Variants in CMIP observed in about 807,000 individuals in gnomAD.
CMIP encodes the protein c-Maf inducing protein.
In CMIP, 13 loss-of-function variants were observed where a neutral mutation model predicts 97.3. The observed-to-expected ratio is 0.13, with a 90% confidence interval of 0.09 to 0.21. The LOEUF (loss-of-function observed/expected upper bound fraction) is 0.21. Among genes scored for constraint, CMIP ranks in the 10% least tolerant of loss-of-function variants. The probability of loss-of-function intolerance (pLI) is 1.00; values close to 1 mark genes in which losing one functional copy is unlikely to be tolerated. For missense variants in CMIP, 847 were observed against 1,024.9 expected, an observed-to-expected ratio of 0.83 and a Z score of 2.37; for synonymous variants, 538 against 436.3, an observed-to-expected ratio of 1.23 and a Z score of -2.91.
At chr16:81,631,898 C>T (rs1437747127) in intron 3 of CMIP, 1 of 152,264 alleles carries the variant, frequency 6.6e-6, no homozygotes, top group African/African-American at 2.4e-5. Flanking sequence ...TGTATACTTG[C>T]ACCAGCAGTG....
In CMIP at chr16:81,710,048, A is replaced by C. The variant is rs2151115127; in HGVS notation, c.*249A>C. The stretch of plus-strand genomic sequence containing the variant: ...ATCTAAAGTGGACTTTGTAGCAACA[A>C]GAGGAGCATCAGCGGGTCGGGGAGG... On this transcript the variant is annotated 3_prime_UTR_variant, in exon 21 of 21. Transcript: ENST00000537098. The C allele has an allele frequency of 7.3e-6, 1 of 136,380 alleles. No individual in the cohort carries two copies. The highest frequency in any genetic ancestry group is 2.4e-4 in the East Asian group (1 of 4,210). The allele number at this position is 136,380 out of a possible 1,614,324, so 8.4% of individuals were successfully genotyped here. A position where few individuals can be genotyped will look rare whatever the true frequency, so the allele number is the denominator to read the frequency against.
At chr16:81,529,868 T>G (rs1379032745) in intron 1 of CMIP, among the ~76,000 whole-genome samples, 1 of 152,180 alleles carries the variant, frequency 6.6e-6, no homozygotes, top group Non-Finnish European at 1.5e-5. Context: ...GATTTTAGCC[T>G]TGTGAGGCCG....
At chr16:81,566,858 A>T (rs2090992737) in intron 1 of CMIP, among the ~76,000 whole-genome samples, 1 of 152,248 alleles carries the variant, frequency 6.6e-6, no homozygotes, top group Non-Finnish European at 1.5e-5. Context: ...CACAGATATT[A>T]TGTTGAACAA....
Position 81,699,570 on chromosome 16 carries a change from C to T in CMIP, c.1639-115C>T, listed in dbSNP as rs191665442. 3.4e-4 allele frequency: 224 copies of T among 658,836 alleles called. 1 individual carries two copies. The African/African-American group carries it at 3.6e-3, about 11-fold the overall frequency. The allele number at this position is 658,836 out of a possible 1,614,324, so 40.8% of individuals were successfully genotyped here. On this transcript the variant is annotated intron_variant, in intron 14 of 20. Transcript: ENST00000537098. Reference sequence around the variant, plus strand: ...TGGTGATCCTAGAACACCTGGCTGTCTGGACAGCGTGTAGGCAGGTCTGTT... The same window carrying T: ...TGGTGATCCTAGAACACCTGGCTGTTTGGACAGCGTGTAGGCAGGTCTGTT...
intron 3 of CMIP, chr16:81,645,477 T>C: frequency 6.5e-7 from 1 of 1,533,214 alleles, no homozygotes; most frequent in Non-Finnish European, 8.7e-7. Flanking sequence ...AAGGGGCACA[T>C]TCCTGCTGAC....
chr16:81,477,999 G>GT lies in CMIP; in HGVS notation c.300+32459dup, dbSNP rs1296079067. Among the ~76,000 whole-genome samples, 3 of 152,350 alleles carry GT rather than the reference G, an allele frequency of 2.0e-5. No homozygotes were observed. The East Asian group carries it at 5.8e-4, about 29-fold the overall frequency. On this transcript the variant is annotated intron_variant, in intron 1 of 20. Transcript: ENST00000537098. ...CCGGCTGCAAGAGCATCTGGGAAAT[G>GT]TAAGTGGGAGCCATGAATCCCACCC...
At chr16:81,686,745 C>T (rs964939546) in intron 10 of CMIP, among the ~76,000 whole-genome samples, 1 of 152,140 alleles carries the variant, frequency 6.6e-6, no homozygotes, top group Non-Finnish European at 1.5e-5. Flanking sequence ...TTATCTAAAC[C>T]GCCTGTTGTC....
intron 1 of CMIP, among the ~76,000 whole-genome samples, chr16:81,473,816 T>G (rs1304002311): frequency 6.6e-6 from 1 of 151,538 alleles, no homozygotes; most frequent in Non-Finnish European, 1.5e-5. Context: ...CAGTGGTTTT[T>G]TTTTTTTTTT....
intron 7 of CMIP, chr16:81,666,082 G>A (rs1371587514): frequency 1.3e-5 from 2 of 152,200 alleles, no homozygotes; most frequent in African/African-American, 4.8e-5. Context: ...TCCCCACTGG[G>A]GGATGGGGCG....
chr16:81,710,097 G>C lies in CMIP; in HGVS notation c.*298G>C, dbSNP rs1029168581. 3.1e-6 allele frequency: 1 copy of C among 322,072 alleles called. No individual in the cohort carries two copies. Among genetic ancestry groups the C allele is most frequent in the African/African-American group, 2.2e-5 (1 of 46,366 alleles). The allele number at this position is 322,072 out of a possible 1,614,324, so 20.0% of individuals were successfully genotyped here. On this transcript the variant is annotated 3_prime_UTR_variant, in exon 21 of 21. Coordinates refer to ENST00000537098, the MANE Select transcript of CMIP (RefSeq NM_198390.3). ...GGGGTTTGGGGGTGGGCTGGGGGGT[G>C]GGGGACCCTTTGTGGATTTTCTTTG...
At chr16:81,664,730 G>A (rs1253918995) in intron 7 of CMIP, 2 of 416,672 alleles carry the variant, frequency 4.8e-6, no homozygotes, top group African/African-American at 2.0e-5. Context: ...GCACTGTATG[G>A]AAGGGGGCAG....
rs761796674 is a variant in CMIP, at chr16:81,671,246, GCCCT to G, written c.930-718_930-715del. 7.9e-5 allele frequency among the ~76,000 whole-genome samples: 12 copies of G among 152,322 alleles called. No homozygotes were observed. In the East Asian group the frequency reaches 1.9e-3, roughly 24 times the overall value. On this transcript the variant is annotated intron_variant, in intron 8 of 20. Transcript: ENST00000537098. ...TCGTTTGAGGTTGGCTTTGTGACAT[GCCCT>G]CATGCCAGAACCGTGGTGACACCAC...
intron 3 of CMIP, among the ~76,000 whole-genome samples, chr16:81,626,946 G>C (rs1020236522): frequency 3.3e-5 from 5 of 149,890 alleles, no homozygotes; most frequent in Non-Finnish European, 5.9e-5. Flanking sequence ...GGTGTGTGGG[G>C]GTGACTGAGT....
At chr16:81,564,381 T>G (rs2090941289) in intron 1 of CMIP, among the ~76,000 whole-genome samples, 1 of 152,224 alleles carries the variant, frequency 6.6e-6, no homozygotes, top group South Asian at 2.1e-4. Context: ...ATATGTGTCT[T>G]TACGAGTGTG....
At chr16:81,612,841 G>A (rs2091854146) in intron 2 of CMIP, among the ~76,000 whole-genome samples, 1 of 152,048 alleles carries the variant, frequency 6.6e-6, no homozygotes, top group South Asian at 2.1e-4. Flanking sequence ...GGTTGGGCTG[G>A]GGGACCTTTC....
chr16:81,545,213 A>C (rs532331472), intron 1 of CMIP, among the ~76,000 whole-genome samples: 1 of 152,166 alleles, frequency 6.6e-6, no homozygotes, highest in East Asian at 1.9e-4. Context: ...CCATCCTTTG[A>C]GACAGGCTGA....
chr16:81,567,056 T>G (rs2090995584), intron 1 of CMIP, among the ~76,000 whole-genome samples: 1 of 152,252 alleles, frequency 6.6e-6, no homozygotes, highest in African/African-American at 2.4e-5. Context: ...TGTCAGGCTG[T>G]ATGCTTGCCA....
intron 19 of CMIP, 29 bp downstream of exon 19, chr16:81,705,633 G>T: frequency 1.4e-6 from 2 of 1,444,442 alleles, no homozygotes; most frequent in African/African-American, 1.4e-5. Flanking sequence ...GCTGGGGGGT[G>T]AGGGGCCGCT....
At chr16:81,475,697 C>T (rs1029328071) in intron 1 of CMIP, among the ~76,000 whole-genome samples, 3 of 152,120 alleles carry the variant, frequency 2.0e-5, no homozygotes, top group Non-Finnish European at 4.4e-5. Context: ...TAAGATAAAA[C>T]ACAAGTTGCT....
Sources: allele counts gnomAD v4.1 joint callset (sites outside exome capture counted in the v4.1 genomes callset), GRCh38; gene constraint gnomAD v4.1.1; transcripts MANE v1.5; gene names NCBI Gene and HGNC (gene_info 2026-07-23, HGNC 2026-07-21).